The following GAK variants were observed in gnomAD, a reference collection of about 807,000 sequenced individuals.
GAK encodes cyclin G associated kinase.
GAK carries 79 observed loss-of-function variants against 143.9 expected under a neutral mutation model. The observed-to-expected ratio is 0.55, with a 90% confidence interval of 0.46 to 0.66. GAK has a LOEUF of 0.66. Ranked by LOEUF, GAK falls within the 30% of genes least tolerant of loss-of-function variation. The pLI is 0.00. For missense variants in GAK, 1,693 were observed against 1,779.7 expected, an observed-to-expected ratio of 0.95 and a Z score of 0.88; for synonymous variants, 881 against 765.5, an observed-to-expected ratio of 1.15 and a Z score of -2.49.
At chr4:889,080 G>A (rs987788964) in intron 10 of GAK, 110 bp from the exon 11 acceptor site, 44 of 1,341,294 alleles carry the variant, frequency 3.3e-5, no homozygotes, top group East Asian at 2.0e-4. Context: ...CTCCCCAGGC[G>A]CTCGGTCCCA....
At chr4:860,167 T>C (rs1750017139) in intron 23 of GAK, among the ~76,000 whole-genome samples, 1 of 151,872 alleles carries the variant, frequency 6.6e-6, no homozygotes, top group Non-Finnish European at 1.5e-5. Flanking sequence ...GGTTCATGCA[T>C]GTGGTCCCAG....
At chr4:873,776 T>A (rs1390764801) in intron 18 of GAK, among the ~76,000 whole-genome samples, 2 of 152,240 alleles carry the variant, frequency 1.3e-5, no homozygotes, top group African/African-American at 4.8e-5. Flanking sequence ...GGTCTTCGTG[T>A]GCAAGGGTTT....
At chr4:924,884 G>A (rs1256920115) in intron 1 of GAK, among the ~76,000 whole-genome samples, 2 of 151,770 alleles carry the variant, frequency 1.3e-5, no homozygotes, top group African/African-American at 4.8e-5. Context: ...ATCTGATTGG[G>A]TTGTGGTGGT....
At chr4:928,448 G>A (rs1043557158) in intron 1 of GAK, among the ~76,000 whole-genome samples, 11 of 152,212 alleles carry the variant, frequency 7.2e-5, no homozygotes, top group Non-Finnish European at 1.5e-4. Context: ...GGGGGATCAC[G>A]TAGGCCCAGG....
intron 6 of GAK, 67 bp downstream of exon 6, chr4:897,966 C>T: frequency 1.3e-6 from 2 of 1,525,868 alleles, no homozygotes; most frequent in Admixed American, 2.0e-5. Context: ...GAAAACAGCA[C>T]TCCGCACTCA....
chr4:926,808 CTG>C (rs1724822822), intron 1 of GAK, among the ~76,000 whole-genome samples: 2 of 152,050 alleles, frequency 1.3e-5, no homozygotes, highest in Non-Finnish European at 2.9e-5. Context: ...CCCAGAGACC[CTG>C]CTTACCTGCG....
At chr4:865,903 C>T (rs570082849) in intron 22 of GAK, among the ~76,000 whole-genome samples, 1 of 152,354 alleles carries the variant, frequency 6.6e-6, no homozygotes, top group Admixed American at 6.5e-5. Context: ...CCATGCTGTG[C>T]CCCGGCGCCT....
intron 24 of GAK, among the ~76,000 whole-genome samples, chr4:858,470 C>T (rs868297048): frequency 3.3e-5 from 5 of 152,168 alleles, no homozygotes; most frequent in Admixed American, 3.3e-4. Context: ...TCAAGGCACA[C>T]GCAGGTCTCC....
At chr4:861,159 G>A (rs1477039937) in intron 23 of GAK, among the ~76,000 whole-genome samples, 1 of 152,066 alleles carries the variant, frequency 6.6e-6, no homozygotes, top group Non-Finnish European at 1.5e-5. Context: ...CCTATTCCCC[G>A]AGACACAACT....
At position 898,119 on chromosome 4, in the gene GAK, G is replaced by A. The variant is rs1322358480; in HGVS notation, c.565C>T (p.Leu189=). Residue 189 remains leucine (L), a synonymous_variant, in exon 6 of 28, where the codon CTG becomes TTG. Coordinates refer to ENST00000314167, the MANE Select transcript of GAK (RefSeq NM_005255.4). ...LLLSNQGTIK[L]CDFGSATTIS... The stretch of plus-strand genomic sequence containing the variant: ...GTCGTGGCACTGCCAAAGTCACACA[G>A]CTTAATGGTCCCTTGGTTACTAAGC... 6.2e-7 allele frequency: 1 copy of A among 1,614,212 alleles called. No homozygotes were observed. The highest frequency in any genetic ancestry group is 8.5e-7 in the Non-Finnish European group (1 of 1,180,004).
At chr4:915,965 G>A (rs1723039789) in intron 1 of GAK, among the ~76,000 whole-genome samples, 1 of 152,200 alleles carries the variant, frequency 6.6e-6, no homozygotes, top group South Asian at 2.1e-4. Flanking sequence ...AAAATCTGGT[G>A]AAATCTACTA....
At position 912,798 on chromosome 4, in the gene GAK, T is replaced by C; in HGVS notation, c.208-4A>G. 6.2e-7 allele frequency: 1 copy of C among 1,612,640 alleles called. No homozygotes were observed. Among genetic ancestry groups the C allele is most frequent in the Non-Finnish European group, 8.5e-7 (1 of 1,179,040 alleles). ...CCTCTTCATTGGATAATAGCCTCTG[T>C]ATCAGGAAACAGCACACACAAAAGA... On this transcript the variant is annotated splice_region_variant and splice_polypyrimidine_tract_variant and intron_variant, in intron 2 of 27. Coordinates refer to ENST00000314167, the MANE Select transcript of GAK (RefSeq NM_005255.4).
intron 1 of GAK, among the ~76,000 whole-genome samples, chr4:921,721 G>A (rs948232539): frequency 1.3e-5 from 2 of 151,120 alleles, no homozygotes; most frequent in African/African-American, 2.4e-5. Flanking sequence ...CTGAGTTTGC[G>A]TCCAAAAAGA....
At chr4:854,306 A>C (rs1396288799) in intron 24 of GAK, among the ~76,000 whole-genome samples, 1 of 151,516 alleles carries the variant, frequency 6.6e-6, no homozygotes, top group African/African-American at 2.4e-5. Context: ...TTTGTTTTTG[A>C]CTGTATTTTT....
intron 1 of GAK, among the ~76,000 whole-genome samples, chr4:926,265 C>T (rs1417095036): frequency 2.0e-5 from 3 of 152,198 alleles, no homozygotes; most frequent in Non-Finnish European, 2.9e-5. Flanking sequence ...GTAACACAGG[C>T]TTGTTCCTGC....
In GAK at chr4:912,904, A is replaced by C. The variant is rs1320442737; in HGVS notation, c.208-110T>G. 7 of 814,222 alleles carry C rather than the reference A, an allele frequency of 8.6e-6. No individual in the cohort carries two copies. The African/African-American group carries it at 1.0e-4, about 12-fold the overall frequency. 50.4% of individuals were successfully genotyped at this position (814,222 alleles called of 1,614,324 possible). Reference sequence around the variant, plus strand: ...GCAACAGAGCAATGCAATGTGTCTAATACAGCTCCCCCCGTTTCGTGTGTC... The same window carrying C: ...GCAACAGAGCAATGCAATGTGTCTACTACAGCTCCCCCCGTTTCGTGTGTC... On this transcript the variant is annotated intron_variant, in intron 2 of 27. Transcript: ENST00000314167.
intron 1 of GAK, among the ~76,000 whole-genome samples, chr4:928,424 G>A (rs529575760): frequency 2.6e-5 from 4 of 152,316 alleles, no homozygotes; most frequent in African/African-American, 9.6e-5. Flanking sequence ...CAGCACTCTG[G>A]GAGGCCTAGG....
chr4:896,177 T>C lies in GAK; in HGVS notation c.741+283A>G, dbSNP rs375399483. Among the ~76,000 whole-genome samples, 130 of 152,048 alleles carry C rather than the reference T, an allele frequency of 8.5e-4. 1 individual carries two copies. The highest frequency in any genetic ancestry group is 3.0e-3 in the African/African-American group (124 of 41,478). ...TACTCGGGAGGCTGAGGTGGGAGGA[T>C]CCCTTGAGCCCAGGGGCGGGAGGCT... is the stretch of plus-strand genomic sequence containing the variant. On this transcript the variant is annotated intron_variant, in intron 7 of 27. Coordinates refer to ENST00000314167, the MANE Select transcript of GAK (RefSeq NM_005255.4).
intron 3 of GAK, chr4:912,190 G>C: frequency 2.2e-6 from 1 of 456,384 alleles, no homozygotes; most frequent in Non-Finnish European, 4.4e-6. Context: ...AGAGGAAAGA[G>C]AGGCAGAGTC....
Sources: gnomAD v4.1 joint callset for allele counts (sites outside exome capture counted in the v4.1 genomes callset) on GRCh38, gnomAD v4.1.1 for gene constraint, MANE v1.5 for transcripts, NCBI Gene and HGNC (gene_info 2026-07-23, HGNC 2026-07-21) for gene names.